The following ACOXL variants were observed in gnomAD, a reference collection of about 807,000 sequenced individuals.
ACOXL encodes the protein acyl-coenzyme A oxidase-like protein.
In ACOXL, 70 loss-of-function variants were observed where a neutral mutation model predicts 71.9. The ratio of observed to expected loss-of-function variants is 0.97; its 90% confidence interval spans 0.80 to 1.19. The LOEUF (loss-of-function observed/expected upper bound fraction) is 1.19. Among genes scored for constraint, ACOXL ranks in the 50% most tolerant of loss-of-function variants. The pLI is 0.00. For missense variants in ACOXL, 703 were observed against 736.3 expected, an observed-to-expected ratio of 0.95 and a Z score of 0.52; for synonymous variants, 253 against 281.6, an observed-to-expected ratio of 0.90 and a Z score of 1.02.
intron 9 of ACOXL, among the ~76,000 whole-genome samples, chr2:110,840,412 C>T (rs540492422): frequency 6.6e-6 from 1 of 152,242 alleles, no homozygotes; most frequent in South Asian, 2.1e-4. Context: ...AGAATTTTTC[C>T]TATCACACAA....
chr2:111,033,574 A>G (rs1030073541), intron 15 of ACOXL, among the ~76,000 whole-genome samples: 8 of 152,170 alleles, frequency 5.3e-5, no homozygotes, highest in Non-Finnish European at 1.2e-4. Flanking sequence ...CAGTGTGTCT[A>G]CTTCCCTGGA....
chr2:110,889,969 T>G (rs1697756353), intron 10 of ACOXL, among the ~76,000 whole-genome samples: 1 of 152,220 alleles, frequency 6.6e-6, no homozygotes, highest in South Asian at 2.1e-4. Flanking sequence ...CTAGCCATAC[T>G]TGCTATTATC....
At chr2:110,778,624 C>T (rs1682944016) in intron 2 of ACOXL, among the ~76,000 whole-genome samples, 1 of 152,184 alleles carries the variant, frequency 6.6e-6, no homozygotes, top group Admixed American at 6.5e-5. Context: ...CAGTTTCTTT[C>T]TCTGTGAAGT....
chr2:111,108,035 C>T (rs935867468), intron 17 of ACOXL, among the ~76,000 whole-genome samples: 7 of 152,152 alleles, frequency 4.6e-5, no homozygotes, highest in Non-Finnish European at 1.0e-4. Context: ...ACCATTCAAT[C>T]TTGATTCCTA....
At chr2:110,877,913 CCTT>C (rs1286985993) in intron 10 of ACOXL, among the ~76,000 whole-genome samples, 1 of 152,236 alleles carries the variant, frequency 6.6e-6, no homozygotes, top group African/African-American at 2.4e-5. Context: ...GTGCAGCAAT[CCTT>C]CTTCCTGAGC....
chr2:110,768,922 A>G (rs1681496429), intron 2 of ACOXL, among the ~76,000 whole-genome samples: 2 of 142,196 alleles, frequency 1.4e-5, no homozygotes, highest in African/African-American at 2.6e-5. Context: ...GGTGGAGGAG[A>G]GTGTCTTCCT....
intron 10 of ACOXL, among the ~76,000 whole-genome samples, chr2:110,886,081 A>G (rs978002232): frequency 2.0e-5 from 3 of 152,128 alleles, no homozygotes; most frequent in Non-Finnish European, 4.4e-5. Flanking sequence ...ATCTTTTGGG[A>G]TTATGGCCCA....
intron 17 of ACOXL, among the ~76,000 whole-genome samples, chr2:111,094,673 G>A (rs2068711305): frequency 6.6e-6 from 1 of 152,194 alleles, no homozygotes; most frequent in Non-Finnish European, 1.5e-5. Flanking sequence ...CTGTTGCATT[G>A]GGGATTAAGT....
intron 10 of ACOXL, among the ~76,000 whole-genome samples, chr2:110,857,279 A>G (rs1466693793): frequency 1.3e-5 from 2 of 152,100 alleles, no homozygotes; most frequent in African/African-American, 2.4e-5. Context: ...GTGTTTTCCC[A>G]TATGTCATTT....
chr2:110,883,802 A>T (rs575216930), intron 10 of ACOXL, among the ~76,000 whole-genome samples: 13 of 152,350 alleles, frequency 8.5e-5, no homozygotes, highest in Admixed American at 7.8e-4. Flanking sequence ...TTTGAACTAG[A>T]AATTTCTTTT....
At chr2:110,805,161 A>G in intron 8 of ACOXL, 102 bp from the exon 9 acceptor site, 2 of 1,462,494 alleles carry the variant, frequency 1.4e-6, no homozygotes, top group Admixed American at 1.9e-5. Context: ...CGATGGGGAA[A>G]TCCGAGTGCT....
Position 111,105,800 on chromosome 2 carries a change from A to G in ACOXL, c.1543-11816A>G, listed in dbSNP as rs558988522. ...AAACATGTTATCTGCAAATAGAGAC[A>G]GTATTTCACTGTCTGTGTTGACAAT... On this transcript the variant is annotated intron_variant, in intron 17 of 17. Transcript: ENST00000439055. 3.3e-5 allele frequency among the ~76,000 whole-genome samples: 5 copies of G among 152,314 alleles called. No homozygotes were observed. In the South Asian group the frequency reaches 8.3e-4, roughly 25 times the overall value.
rs1231882177 is a variant in ACOXL, at chr2:110,908,834, T to A, written c.834T>A (p.Ile278=). ...GPKTKEEVKI[I]EHQTQTLRLM... ...AAACCAAGGAAGAGGTGAAGATCAT[T>A]GAGCACCAAACACAGACCCTGCGGC... The change falls in exon 11 of 18, where the codon ATT becomes ATA. Residue 278 remains isoleucine, a synonymous_variant. Coordinates refer to ENST00000439055, the MANE Select transcript of ACOXL (RefSeq NM_001142807.4). 1.1e-5 allele frequency: 18 copies of A among 1,614,060 alleles called. No individual in the cohort carries two copies. Among genetic ancestry groups the A allele is most frequent in the Non-Finnish European group, 1.5e-5 (18 of 1,180,030 alleles).
chr2:110,765,365 C>CT (rs34620921), intron 1 of ACOXL, among the ~76,000 whole-genome samples: 4 of 152,220 alleles, frequency 2.6e-5, no homozygotes, highest in African/African-American at 9.6e-5. Context: ...TCTTATACTA[C>CT]TTTTTTGGTC....
At chr2:110,885,331 A>G (rs142738375) in intron 10 of ACOXL, among the ~76,000 whole-genome samples, 3 of 152,322 alleles carry the variant, frequency 2.0e-5, no homozygotes, top group Non-Finnish European at 4.4e-5. Flanking sequence ...AAAGACTTCA[A>G]AATATACTTA....
intron 14 of ACOXL, among the ~76,000 whole-genome samples, chr2:111,013,680 A>G (rs2064287816): frequency 1.3e-5 from 2 of 152,146 alleles, no homozygotes; most frequent in Admixed American, 1.3e-4. Context: ...TTTGTAATGA[A>G]CACATTCCCA....
intron 12 of ACOXL, among the ~76,000 whole-genome samples, chr2:110,965,489 G>A (rs1198044251): frequency 6.6e-6 from 1 of 152,140 alleles, no homozygotes; most frequent in African/African-American, 2.4e-5. Flanking sequence ...CAATTTTTAT[G>A]TTTAAGTATT....
intron 15 of ACOXL, among the ~76,000 whole-genome samples, chr2:111,042,725 G>T (rs571797105): frequency 1.5e-4 from 23 of 152,324 alleles, no homozygotes; most frequent in African/African-American, 5.3e-4. Flanking sequence ...GCAGTAGCTG[G>T]CCAAGGAAGG....
At chr2:110,821,103 A>C (rs1688541574) in intron 9 of ACOXL, among the ~76,000 whole-genome samples, 1 of 152,202 alleles carries the variant, frequency 6.6e-6, no homozygotes, top group African/African-American at 2.4e-5. Context: ...TTTGACCTCA[A>C]GCACAATCCA....
Sources: gnomAD v4.1 joint callset for allele counts (sites outside exome capture counted in the v4.1 genomes callset) on GRCh38, gnomAD v4.1.1 for gene constraint, MANE v1.5 for transcripts, NCBI Gene and HGNC (gene_info 2026-07-23, HGNC 2026-07-21) for gene names.